ASZ1: variants seen among roughly 807,000 people sequenced by gnomAD.
The protein encoded by ASZ1 is ankyrin repeat, SAM and basic leucine zipper domain containing 1.
Under a neutral mutation model 61.8 loss-of-function variants are expected in ASZ1, and 67 were observed. The observed-to-expected ratio is 1.08, with a 90% CI of 0.89 to 1.33. The LOEUF is 1.33. Among genes scored for constraint, ASZ1 ranks in the 40% most tolerant of loss-of-function variants. ASZ1 has a pLI of 0.00. For missense variants in ASZ1, 577 were observed against 554.5 expected, an observed-to-expected ratio of 1.04 and a Z score of -0.41; for synonymous variants, 193 against 192.7, an observed-to-expected ratio of 1.00 and a Z score of -0.01.
At chr7:117,398,974 G>C (rs1202598414) in intron 4 of ASZ1, among the ~76,000 whole-genome samples, 2 of 152,144 alleles carry the variant, frequency 1.3e-5, no homozygotes, top group African/African-American at 2.4e-5. Flanking sequence ...CAAACCTGTA[G>C]TATCAGCATT....
chr7:117,423,722 C>T (rs975586128), intron 2 of ASZ1, among the ~76,000 whole-genome samples: 2 of 145,194 alleles, frequency 1.4e-5, no homozygotes, highest in Non-Finnish European at 3.0e-5. Context: ...ATTAGCCAGG[C>T]GTGGTGGTGG....
chr7:117,415,469 AATAAG>A (rs1796973425), intron 4 of ASZ1, among the ~76,000 whole-genome samples: 1 of 152,202 alleles, frequency 6.6e-6, no homozygotes, highest in Admixed American at 6.5e-5. Flanking sequence ...AGTACAGTAC[AATAAG>A]ATATTTTGAG....
intron 9 of ASZ1, 116 bp from the exon 10 acceptor site, chr7:117,380,163 T>C (rs1054056179): frequency 1.1e-5 from 7 of 660,658 alleles, no homozygotes; most frequent in South Asian, 9.3e-5. Context: ...TAGGCATATA[T>C]TGGAAAAATA....
chr7:117,376,111 G>T (rs985348655), intron 10 of ASZ1, among the ~76,000 whole-genome samples: 1 of 151,920 alleles, frequency 6.6e-6, no homozygotes, highest in African/African-American at 2.4e-5. Flanking sequence ...CCAATATAAA[G>T]AATGAAATGG....
At chr7:117,412,965 C>A (rs755087056) in intron 4 of ASZ1, among the ~76,000 whole-genome samples, 4 of 151,742 alleles carry the variant, frequency 2.6e-5, no homozygotes, top group African/African-American at 2.4e-5. Context: ...CTGAAGGCCA[C>A]CTTGTTTTTC....
intron 6 of ASZ1, among the ~76,000 whole-genome samples, 156 bp from the exon 7 acceptor site, chr7:117,383,266 T>G (rs1311828615): frequency 6.6e-6 from 1 of 151,922 alleles, no homozygotes; most frequent in African/African-American, 2.4e-5. Flanking sequence ...GATAACAACT[T>G]TTAAAAAAAT....
chr7:117,420,309 T>C (rs772543808), intron 3 of ASZ1, 35 bp from the exon 4 acceptor site: 25 of 1,463,888 alleles, frequency 1.7e-5, no homozygotes. Context: ...AAAATCCCCA[T>C]ACATCAAGAG....
Position 117,427,465 on chromosome 7 carries a change from G to C in ASZ1, c.-5C>G, listed in dbSNP as rs758288172. On this transcript the variant is annotated 5_prime_UTR_variant, in exon 1 of 13. Coordinates refer to ENST00000284629, the MANE Select transcript of ASZ1 (RefSeq NM_130768.3). ...TCGCAGCGCGCTCGCCGCCATGCCAGCCAAGGAAGCTCCCTGTCGGCACCG... is the reference window on the plus strand; with the variant it reads ...TCGCAGCGCGCTCGCCGCCATGCCACCCAAGGAAGCTCCCTGTCGGCACCG... The C allele has an allele frequency of 5.0e-6, 8 of 1,613,714 alleles. No individual in the cohort carries two copies. The highest frequency in any genetic ancestry group is 5.9e-6 in the Non-Finnish European group (7 of 1,179,772).
In ASZ1 at chr7:117,412,793, T is replaced by C. The variant is rs138673584; in HGVS notation, c.440+7370A>G. ...TAAAAAAAAAATCTTTTTTTTTAAATATAAGAAAGAGTTTCAGCAAACTAG... is the reference window on the plus strand; with the variant it reads ...TAAAAAAAAAATCTTTTTTTTTAAACATAAGAAAGAGTTTCAGCAAACTAG... On this transcript the variant is annotated intron_variant, in intron 4 of 12. Coordinates refer to ENST00000284629, the MANE Select transcript of ASZ1 (RefSeq NM_130768.3). Among the ~76,000 whole-genome samples the C allele has an allele frequency of 9.7e-3, 1,468 of 151,742 alleles. 6 individuals carry two copies. The highest frequency in any genetic ancestry group is 0.017 in the Middle Eastern group (5 of 292).
At chr7:117,371,155 T>C (rs906070703) in intron 10 of ASZ1, among the ~76,000 whole-genome samples, 1 of 152,118 alleles carries the variant, frequency 6.6e-6, no homozygotes, top group Non-Finnish European at 1.5e-5. Context: ...CATACAGAAA[T>C]TCTTACTTGT....
In ASZ1 at chr7:117,369,948, T is replaced by C. The variant is rs572180435; in HGVS notation, c.1056-1231A>G. On this transcript the variant is annotated intron_variant, in intron 10 of 12. Coordinates refer to ENST00000284629, the MANE Select transcript of ASZ1 (RefSeq NM_130768.3). Reference sequence around the variant, plus strand: ...TTCCGTATCTCTAGAATGGAGACAGTAGGTCTCAAGAAAACAATGTACATA... The same window carrying C: ...TTCCGTATCTCTAGAATGGAGACAGCAGGTCTCAAGAAAACAATGTACATA... 2.0e-5 allele frequency among the ~76,000 whole-genome samples: 3 copies of C among 152,186 alleles called. No individual in the cohort carries two copies. The South Asian group carries it at 6.2e-4, about 32-fold the overall frequency.
chr7:117,412,800 A>C (rs1482968151), intron 4 of ASZ1, among the ~76,000 whole-genome samples: 1 of 151,872 alleles, frequency 6.6e-6, no homozygotes, highest in Admixed American at 6.6e-5. Context: ...AAATATAAGA[A>C]AGAGTTTCAG....
intron 4 of ASZ1, among the ~76,000 whole-genome samples, chr7:117,400,873 A>C (rs1796667334): frequency 6.6e-6 from 1 of 152,204 alleles, no homozygotes; most frequent in Non-Finnish European, 1.5e-5. Context: ...CCTGAAATCC[A>C]GCCTTGAACC....
At chr7:117,369,844 G>C (rs781216885) in intron 10 of ASZ1, among the ~76,000 whole-genome samples, 3 of 152,190 alleles carry the variant, frequency 2.0e-5, no homozygotes, top group Non-Finnish European at 4.4e-5. Context: ...CTTGAGTCAA[G>C]AGTCAATGTG....
At chr7:117,403,941 A>G (rs1254556235) in intron 4 of ASZ1, among the ~76,000 whole-genome samples, 3 of 152,132 alleles carry the variant, frequency 2.0e-5, no homozygotes, top group Non-Finnish European at 2.9e-5. Context: ...CGAGAGATCT[A>G]TGTTGCATGC....
Position 117,366,606 on chromosome 7 carries a change from A to T in ASZ1, c.1275+746T>A, listed in dbSNP as rs188447883. On this transcript the variant is annotated intron_variant, in intron 12 of 12. Transcript: ENST00000284629. ...AACAGCTTAGATTTTGTTATAGCCA[A>T]TTTTTTTTAAAGTGGAAAAATCACC... 7.3e-4 allele frequency among the ~76,000 whole-genome samples: 111 copies of T among 151,624 alleles called. 1 individual carries two copies. Among genetic ancestry groups the T allele is most frequent in the African/African-American group, 2.4e-3 (99 of 41,472 alleles).
chr7:117,422,227 A>C lies in ASZ1; in HGVS notation c.328+10T>G, dbSNP rs1465568933. Reference sequence around the variant, plus strand: ...AAGCATAATCATTTAAGTTATCTAAAACATCTTACCCTTCTCAAAGCTTGC... The same window carrying C: ...AAGCATAATCATTTAAGTTATCTAACACATCTTACCCTTCTCAAAGCTTGC... On this transcript the variant is annotated intron_variant, in intron 3 of 12. Coordinates refer to ENST00000284629, the MANE Select transcript of ASZ1 (RefSeq NM_130768.3). The C allele has an allele frequency of 1.2e-6, 2 of 1,608,164 alleles. No homozygotes were observed. Among genetic ancestry groups the C allele is most frequent in the South Asian group, 2.2e-5 (2 of 89,422 alleles).
At chr7:117,390,159 A>G (rs998446881) in intron 4 of ASZ1, among the ~76,000 whole-genome samples, 2 of 141,704 alleles carry the variant, frequency 1.4e-5, no homozygotes, top group African/African-American at 2.8e-5. Context: ...GGTTGGTTCT[A>G]TATCTTTGTA....
At chr7:117,423,481 T>C (rs1370944097) in intron 2 of ASZ1, among the ~76,000 whole-genome samples, 1 of 152,042 alleles carries the variant, frequency 6.6e-6, no homozygotes, top group Non-Finnish European at 1.5e-5. Flanking sequence ...GAAAAGATCA[T>C]TGTTTTCTCA....
Sources: gnomAD v4.1 joint callset for allele counts (sites outside exome capture counted in the v4.1 genomes callset) on GRCh38, gnomAD v4.1.1 for gene constraint, MANE v1.5 for transcripts, NCBI Gene and HGNC (gene_info 2026-07-23, HGNC 2026-07-21) for gene names.